Variants in LRMDA observed in about 807,000 individuals in gnomAD.
LRMDA encodes leucine-rich melanocyte differentiation-associated protein.
A neutral mutation model predicts 29.8 loss-of-function variants in LRMDA; 18 were observed. The observed-to-expected ratio is 0.60, with a 90% CI of 0.42 to 0.90. The LOEUF (loss-of-function observed/expected upper bound fraction) is 0.90, where lower values mean the gene tolerates loss of function less well. Ranked by LOEUF, LRMDA falls within the 40% of genes least tolerant of loss-of-function variation. LRMDA has a pLI of 0.00. For missense variants in LRMDA, 273 were observed against 273.9 expected (o/e 1.00, Z 0.02); for synonymous variants, 125 against 109.4 (o/e 1.14, Z -0.89).
intron 5 of LRMDA, among the ~76,000 whole-genome samples, chr10:76,195,241 C>T (rs77114880): frequency 0.012 from 1,890 of 152,280 alleles, 47 homozygotes; most frequent in African/African-American, 0.041. Flanking sequence ...AAAGACACAA[C>T]TTCCGGTTCT....
chr10:75,963,390 G>A (rs74149843), intron 2 of LRMDA, among the ~76,000 whole-genome samples: 2,659 of 152,216 alleles, frequency 0.017, 61 homozygotes, highest in East Asian at 0.064. Flanking sequence ...TCTCATTCCC[G>A]TATCATCAAC....
intron 4 of LRMDA, among the ~76,000 whole-genome samples, chr10:76,051,696 C>T (rs1176248759): frequency 1.3e-5 from 2 of 152,152 alleles, no homozygotes; most frequent in Admixed American, 6.5e-5. Flanking sequence ...TTGAAAGAGG[C>T]TTAGACATCA....
At chr10:75,504,582 G>C (rs1007902896) in intron 2 of LRMDA, among the ~76,000 whole-genome samples, 1 of 152,146 alleles carries the variant, frequency 6.6e-6, no homozygotes, top group Admixed American at 6.5e-5. Flanking sequence ...AGTAATAGGG[G>C]GGAGTCATCT....
At chr10:75,596,517 C>T (rs1388667090) in intron 2 of LRMDA, among the ~76,000 whole-genome samples, 1 of 152,048 alleles carries the variant, frequency 6.6e-6, no homozygotes, top group Non-Finnish European at 1.5e-5. Context: ...ACACCAAGTT[C>T]ATTTTTCCAT....
At chr10:75,655,924 C>T (rs1014708588) in intron 2 of LRMDA, among the ~76,000 whole-genome samples, 13 of 152,178 alleles carry the variant, frequency 8.5e-5, no homozygotes, top group Non-Finnish European at 1.5e-5. Context: ...AGCCTGTCCC[C>T]TCTGTGACCT....
rs1466063171 is a variant in LRMDA at position 75,431,686 on chromosome 10, C to G, written c.-39C>G. ...GCTCCCCGCTGCTGCCGCCGCGCCC[C>G]CGCGCTCCGTCCCGCGCGCCCGCAG... On this transcript the variant is annotated 5_prime_UTR_variant, in exon 1 of 7. Coordinates refer to ENST00000611255, the MANE Select transcript of LRMDA (RefSeq NM_001305581.2). 4 of 1,279,828 alleles carry G rather than the reference C, an allele frequency of 3.1e-6. No homozygotes were observed. The highest frequency in any genetic ancestry group is 3.9e-6 in the Non-Finnish European group (4 of 1,019,456). The allele number at this position is 1,279,828 out of a possible 1,614,324, so 79.3% of individuals were successfully genotyped here.
rs369735147 is a variant in LRMDA at position 75,655,786 on chromosome 10, T to C, written c.131+217292T>C. 3.5e-4 allele frequency among the ~76,000 whole-genome samples: 53 copies of C among 152,324 alleles called. No individual in the cohort carries two copies. In the East Asian group the frequency reaches 4.8e-3, roughly 14 times the overall value. ...GTTTGGGCCTCGCGGTGTCTCTGCC[T>C]GTCAGATGTTTCATGTACTGGTCAG... On this transcript the variant is annotated intron_variant, in intron 2 of 6. Coordinates refer to ENST00000611255, the MANE Select transcript of LRMDA (RefSeq NM_001305581.2).
At chr10:75,437,933 C>T (rs1844279957) in intron 1 of LRMDA, among the ~76,000 whole-genome samples, 1 of 152,132 alleles carries the variant, frequency 6.6e-6, no homozygotes, top group African/African-American at 2.4e-5. Context: ...TTCCAGCACC[C>T]TGAAGGTTGG....
chr10:76,179,470 G>A (rs944949095), intron 5 of LRMDA, among the ~76,000 whole-genome samples: 1 of 152,194 alleles, frequency 6.6e-6, no homozygotes, highest in African/African-American at 2.4e-5. Context: ...CTCTGCAGAC[G>A]ATAGTTTAAG....
intron 2 of LRMDA, among the ~76,000 whole-genome samples, chr10:76,027,774 TTGTG>T (rs1294561405): frequency 6.6e-6 from 1 of 152,190 alleles, no homozygotes; most frequent in Non-Finnish European, 1.5e-5. Context: ...CATGAGATCT[TTGTG>T]TGTGTACTAT....
intron 2 of LRMDA, among the ~76,000 whole-genome samples, chr10:76,022,702 C>G (rs973384828): frequency 3.9e-5 from 6 of 152,150 alleles, no homozygotes; most frequent in African/African-American, 1.4e-4. Context: ...ACTGCTCCAC[C>G]AGCTCCATGT....
At chr10:76,004,296 A>G (rs1428248781) in intron 2 of LRMDA, among the ~76,000 whole-genome samples, 1 of 152,210 alleles carries the variant, frequency 6.6e-6, no homozygotes. Context: ...TTAGATTTTC[A>G]CTTATAGCTG....
intron 2 of LRMDA, among the ~76,000 whole-genome samples, chr10:75,693,127 G>A (rs1333567729): frequency 6.6e-6 from 1 of 152,168 alleles, no homozygotes; most frequent in African/African-American, 2.4e-5. Context: ...ATAGTGCTTG[G>A]CTGGTGTAAT....
intron 2 of LRMDA, among the ~76,000 whole-genome samples, chr10:75,820,677 C>T (rs750917659): frequency 2.8e-4 from 43 of 151,964 alleles, no homozygotes; most frequent in Middle Eastern, 3.4e-3. Context: ...CAGAGCAGAA[C>T]AAAATGAAAT....
At chr10:76,239,763 A>G (rs1852235427) in intron 5 of LRMDA, among the ~76,000 whole-genome samples, 1 of 152,016 alleles carries the variant, frequency 6.6e-6, no homozygotes, top group South Asian at 2.1e-4. Context: ...ACTTGTTTGA[A>G]TTCAAATTCA....
In LRMDA at chr10:76,117,210, G is replaced by A. The variant is rs548064979; in HGVS notation, c.516+58427G>A. On this transcript the variant is annotated intron_variant, in intron 5 of 6. Transcript: ENST00000611255. ...AAGCTGCACTCAGTGTTATGATCAC[G>A]AAGGAGGGAGAAGGAAGAATGGAGA... is the stretch of plus-strand genomic sequence containing the variant. 2.5e-4 allele frequency among the ~76,000 whole-genome samples: 38 copies of A among 152,278 alleles called. No individual in the cohort carries two copies. The South Asian group carries it at 5.6e-3, about 22-fold the overall frequency.
In LRMDA at chr10:76,527,050, A is replaced by C. The variant is rs200913548; in HGVS notation, c.602-30159A>C. Among the ~76,000 whole-genome samples the C allele has an allele frequency of 8.9e-3, 250 of 27,962 alleles. 3 individuals are homozygous for C. Among genetic ancestry groups the C allele is most frequent in the East Asian group, 0.042 (136 of 3,224 alleles). The allele number at this position is 27,962 out of a possible 152,430, so 18.3% of individuals were successfully genotyped here. A position where few individuals can be genotyped will look rare whatever the true frequency, so the allele number is the denominator to read the frequency against. On this transcript the variant is annotated intron_variant, in intron 6 of 6. Transcript: ENST00000611255. ...AATGCCCTAAATTATCAGGTCTGAC[A>C]AAAAAAAAAAAAAAAAAAGAAGAGG...
In LRMDA at chr10:76,394,319, G is replaced by A. The variant is rs188174525; in HGVS notation, c.601+69834G>A. Among the ~76,000 whole-genome samples, 824 of 152,280 alleles carry A rather than the reference G, an allele frequency of 5.4e-3. 3 individuals are homozygous for A. Among genetic ancestry groups the A allele is most frequent in the Non-Finnish European group, 6.5e-3 (443 of 68,018 alleles). Reference sequence around the variant, plus strand: ...CAGAGGGCATAAGGTAATCAAGTACGTGGGAGGTAAGAGTCCAAATGTTCT... The same window carrying A: ...CAGAGGGCATAAGGTAATCAAGTACATGGGAGGTAAGAGTCCAAATGTTCT... On this transcript the variant is annotated intron_variant, in intron 6 of 6. Coordinates refer to ENST00000611255, the MANE Select transcript of LRMDA (RefSeq NM_001305581.2).
At chr10:76,314,208 T>A (rs1161181909) in intron 5 of LRMDA, among the ~76,000 whole-genome samples, 3 of 152,216 alleles carry the variant, frequency 2.0e-5, no homozygotes, top group African/African-American at 7.2e-5. Context: ...AATATTTTGC[T>A]ACCATTAGGC....
Sources: allele counts gnomAD v4.1 joint callset (sites outside exome capture counted in the v4.1 genomes callset), GRCh38; gene constraint gnomAD v4.1.1; transcripts MANE v1.5; gene names NCBI Gene and HGNC (gene_info 2026-07-23, HGNC 2026-07-21).